GUCY2F: variants seen among roughly 807,000 people sequenced by gnomAD.
GUCY2F encodes the protein guanylate cyclase 2F, retinal.
In GUCY2F, 61 loss-of-function variants were observed where a neutral mutation model predicts 73.1. That is an observed-to-expected ratio of 0.83 (90% CI 0.68 to 1.03). The LOEUF is 1.03. GUCY2F is among the 50% of genes least tolerant of loss of function. The pLI is 0.00. For synonymous variants in GUCY2F, 331 were observed against 307.8 expected (o/e 1.08, Z -0.79); for missense variants, 912 against 854.3 (o/e 1.07, Z -0.84).
Position 109,475,317 on chromosome X carries a change from C to T in GUCY2F, c.620G>A (p.Ser207Asn), listed in dbSNP as rs1932665062. Residue 207 changes from serine to asparagine, a missense_variant, in exon 2 of 20, where the codon AGT becomes AAT. Transcript: ENST00000218006. ...IWVHTANRVA[S>N]ALRSHGLPVG... is the part of the protein sequence containing the mutation. ...AGGTAAGCCGTGGCTCCGAAGAGCA[C>T]TTGCGACTCGATTGGCTGTATGCAC... 1 of 1,211,296 alleles carries T rather than the reference C, an allele frequency of 8.3e-7. No homozygotes were observed. Among genetic ancestry groups the T allele is most frequent in the Non-Finnish European group, 1.1e-6 (1 of 895,181 alleles).
intron 14 of GUCY2F, among the ~76,000 whole-genome samples, chrX:109,390,762 G>A (rs978553174): frequency 8.9e-6 from 1 of 112,635 alleles, no homozygotes; most frequent in Non-Finnish European, 1.9e-5. Flanking sequence ...GTTAAGACAG[G>A]TACTCTGATT....
intron 7 of GUCY2F, among the ~76,000 whole-genome samples, chrX:109,435,836 A>G (rs1931732245): frequency 9.0e-6 from 1 of 111,576 alleles, no homozygotes; most frequent in African/African-American, 3.3e-5. Context: ...TTTTAGCATG[A>G]AGGGTTGTTG....
intron 8 of GUCY2F, among the ~76,000 whole-genome samples, chrX:109,425,230 G>A (rs1318819013): frequency 9.0e-6 from 1 of 111,362 alleles, no homozygotes; most frequent in East Asian, 2.8e-4. Flanking sequence ...GTCATTATGT[G>A]AAAAAGATAC....
Position 109,398,665 on chromosome X carries a change from G to T in GUCY2F, c.2159C>A (p.Ala720Asp). 8.3e-7 allele frequency: 1 copy of T among 1,209,985 alleles called. No homozygotes were observed. Among genetic ancestry groups the T allele is most frequent in the South Asian group, 1.8e-5 (1 of 56,863 alleles). The change falls in exon 11 of 20, where the codon GCT becomes GAT. Residue 720 changes from alanine to aspartate, a missense_variant. By Grantham distance (126) the Ala-to-Asp change is moderately radical (BLOSUM62 -2). Transcript: ENST00000218006. ...AGAACCTAACCTGCTGCCTCTTGGA[G>T]CTCTCAACAGTTCAGGGGCCGTCCA... ...LLWTAPELLR[A>D]PRGSRLGSFA...
chrX:109,463,416 GGAAA>G (rs978789332), intron 3 of GUCY2F, among the ~76,000 whole-genome samples: 2 of 108,591 alleles, frequency 1.8e-5, no homozygotes, highest in African/African-American at 6.8e-5. Flanking sequence ...GGAGATTCTG[GGAAA>G]GATTTCCTCA....
At chrX:109,402,404 G>A (rs1297101149) in intron 10 of GUCY2F, among the ~76,000 whole-genome samples, 4 of 105,258 alleles carry the variant, frequency 3.8e-5, no homozygotes, top group African/African-American at 1.4e-4. Context: ...ACAGAGTCTC[G>A]TTCTGTCACC....
rs1042248067 is a variant in GUCY2F, at chrX:109,379,728, G to A, written c.3150+2390C>T. ...AGTGACTGAAACAGGACTCATGTAC[G>A]AGAAAAGGTAATACAGTGATTTATC... On this transcript the variant is annotated intron_variant, in intron 17 of 19. Coordinates refer to ENST00000218006, the MANE Select transcript of GUCY2F (RefSeq NM_001522.3). Among the ~76,000 whole-genome samples, 6 of 112,436 alleles carry A rather than the reference G, an allele frequency of 5.3e-5. No individual in the cohort carries two copies. The South Asian group carries it at 1.8e-3, about 35-fold the overall frequency.
At chrX:109,460,272 G>A (rs188288261) in intron 3 of GUCY2F, among the ~76,000 whole-genome samples, 1 of 111,416 alleles carries the variant, frequency 9.0e-6, no homozygotes, top group South Asian at 3.7e-4. Flanking sequence ...AGATTGAAAG[G>A]CTCCACCAAT....
chrX:109,418,006 A>G (rs184965454), intron 8 of GUCY2F, among the ~76,000 whole-genome samples: 55 of 111,348 alleles, frequency 4.9e-4, no homozygotes, highest in African/African-American at 1.7e-3. Context: ...AATATTTTGC[A>G]TATTTCTTAC....
chrX:109,445,691 G>A (rs1377862564), intron 6 of GUCY2F, among the ~76,000 whole-genome samples: 1 of 111,511 alleles, frequency 9.0e-6, no homozygotes, highest in Non-Finnish European at 1.9e-5. Flanking sequence ...AAAACTGGAA[G>A]CATTCCCTTT....
intron 5 of GUCY2F, among the ~76,000 whole-genome samples, chrX:109,449,834 A>G (rs1315662320): frequency 2.7e-5 from 3 of 111,756 alleles, no homozygotes; most frequent in Non-Finnish European, 5.6e-5. Context: ...CTGGTTCCAG[A>G]GGAGTAGAGA....
intron 10 of GUCY2F, among the ~76,000 whole-genome samples, chrX:109,404,028 C>A (rs1216506165): frequency 1.8e-5 from 2 of 112,406 alleles, no homozygotes; most frequent in Non-Finnish European, 3.8e-5. Context: ...TTATTGAGCA[C>A]CTACTGTGTG....
intron 1 of GUCY2F, among the ~76,000 whole-genome samples, chrX:109,480,771 T>C (rs1932759577): frequency 9.1e-6 from 1 of 110,438 alleles, no homozygotes; most frequent in Non-Finnish European, 1.9e-5. Flanking sequence ...ACCGATGTGA[T>C]GCATTTGGTG....
At chrX:109,446,791 A>C (rs1395263426) in intron 6 of GUCY2F, among the ~76,000 whole-genome samples, 1 of 112,159 alleles carries the variant, frequency 8.9e-6, no homozygotes, top group Non-Finnish European at 1.9e-5. Context: ...TAATTAAACT[A>C]AAGAGCTTCT....
intron 14 of GUCY2F, among the ~76,000 whole-genome samples, chrX:109,389,269 G>T (rs1348415868): frequency 9.0e-6 from 1 of 111,685 alleles, no homozygotes; most frequent in Non-Finnish European, 1.9e-5. Flanking sequence ...TGCAGGGGAC[G>T]GTTAGGGCTG....
At position 109,429,452 on chromosome X, in the gene GUCY2F, C is replaced by A. The variant is rs773603668; in HGVS notation, c.1791+855G>T. 1.4e-4 allele frequency among the ~76,000 whole-genome samples: 15 copies of A among 110,058 alleles called. No individual in the cohort carries two copies. The Admixed American group carries it at 1.4e-3, about 11-fold the overall frequency. ...AAAGAAAAGAAAGAAAGAAAAATAC[C>A]AAATCATAACATCTCTTCCTAACCT... On this transcript the variant is annotated intron_variant, in intron 8 of 19. Coordinates refer to ENST00000218006, the MANE Select transcript of GUCY2F (RefSeq NM_001522.3).
chrX:109,392,762 T>C, intron 13 of GUCY2F, 130 bp downstream of exon 13: 1 of 436,173 alleles, frequency 2.3e-6, no homozygotes, highest in Non-Finnish European at 4.0e-6. Context: ...TAAAGCCCAC[T>C]AGGAGAAGAG....
intron 15 of GUCY2F, 61 bp from the exon 16 acceptor site, chrX:109,385,343 G>A: frequency 1.8e-6 from 1 of 567,248 alleles, no homozygotes; most frequent in Non-Finnish European, 2.9e-6. Context: ...GCTAATAGAG[G>A]AATAGTGCAA....
rs140093824 is a variant in GUCY2F at position 109,442,572 on chromosome X, T to A, written c.1570-1090A>T. On this transcript the variant is annotated intron_variant, in intron 6 of 19. Coordinates refer to ENST00000218006, the MANE Select transcript of GUCY2F (RefSeq NM_001522.3). ...TTCCCAACACTCTACCCCTTAATAG[T>A]CTTTGATCAACTAAAGATTACACCT... Among the ~76,000 whole-genome samples the A allele has an allele frequency of 3.6e-3, 396 of 111,202 alleles. 4 individuals carry two copies. Among genetic ancestry groups the A allele is most frequent in the African/African-American group, 0.013 (379 of 30,206 alleles).
Sources: gnomAD v4.1 joint callset for allele counts (sites outside exome capture counted in the v4.1 genomes callset) on GRCh38, gnomAD v4.1.1 for gene constraint, MANE v1.5 for transcripts, NCBI Gene and HGNC (gene_info 2026-07-23, HGNC 2026-07-21) for gene names.